The following DOCK3 variants were observed in gnomAD, a reference collection of about 807,000 sequenced individuals.
DOCK3 encodes the protein dedicator of cytokinesis protein 3.
A neutral mutation model predicts 265.6 loss-of-function variants in DOCK3; 60 were observed. The ratio of observed to expected loss-of-function variants is 0.23; its 90% CI spans 0.18 to 0.28. The LOEUF (loss-of-function observed/expected upper bound fraction) is 0.28, where lower values mean the gene tolerates loss of function less well. Among genes scored for constraint, DOCK3 ranks in the 10% least tolerant of loss-of-function variants. The probability of loss-of-function intolerance (pLI) is 1.00; values close to 1 mark genes in which losing one functional copy is unlikely to be tolerated. For synonymous variants in DOCK3, 881 were observed against 938.0 expected, an observed-to-expected ratio of 0.94 and a Z score of 1.11; for missense variants, 1,981 against 2,594.3, an observed-to-expected ratio of 0.76 and a Z score of 5.14.
chr3:50,888,932 C>T (rs972570404), intron 3 of DOCK3, among the ~76,000 whole-genome samples: 19 of 151,958 alleles, frequency 1.3e-4, no homozygotes, highest in Admixed American at 8.5e-4. Context: ...TAGGATTTTA[C>T]GTTACTATAT....
At chr3:50,948,473 A>G (rs938306780) in intron 5 of DOCK3, among the ~76,000 whole-genome samples, 2 of 141,380 alleles carry the variant, frequency 1.4e-5, no homozygotes, top group Non-Finnish European at 3.0e-5. Context: ...GCAAAATCAT[A>G]GCTCACTGTA....
At chr3:50,786,599 C>T in intron 2 of DOCK3, 1 of 557,930 alleles carries the variant, frequency 1.8e-6, no homozygotes, top group Non-Finnish European at 3.4e-6. Flanking sequence ...CTGCCAACTG[C>T]CACAGAAAGT....
At chr3:51,071,041 A>G (rs569769903) in intron 6 of DOCK3, among the ~76,000 whole-genome samples, 1 of 152,314 alleles carries the variant, frequency 6.6e-6, no homozygotes, top group South Asian at 2.1e-4. Context: ...GCCTTAAAGT[A>G]TCCATTGTAT....
intron 4 of DOCK3, among the ~76,000 whole-genome samples, chr3:50,920,875 T>A (rs1017404817): frequency 3.3e-5 from 5 of 152,228 alleles, no homozygotes; most frequent in Non-Finnish European, 5.9e-5. Flanking sequence ...TGCTTTCTCT[T>A]GTGGGCATTT....
chr3:51,067,456 T>TGTGTGTGTGTGTGCGC (rs1553750450), intron 6 of DOCK3, among the ~76,000 whole-genome samples: 15 of 150,340 alleles, frequency 1.0e-4, no homozygotes, highest in African/African-American at 2.7e-4. Context: ...TGTGTGTGTG[T>TGTGTGTGTGTGTGCGC]GCGCGCGCGT....
chr3:51,301,129 G>A (rs960920266), intron 27 of DOCK3, among the ~76,000 whole-genome samples: 5 of 152,194 alleles, frequency 3.3e-5, no homozygotes, highest in African/African-American at 1.2e-4. Flanking sequence ...GTTTAGTCTT[G>A]GGAGGCTGTA....
chr3:50,970,891 TTATATATATATATATATATATATATATA>T (rs55749209), intron 5 of DOCK3, among the ~76,000 whole-genome samples: 34 of 12,168 alleles, frequency 2.8e-3, no homozygotes, highest in African/African-American at 4.2e-3. Context: ...CATCTAATTT[TTATATATATATATATATATATATATATA>T]TATATATATA....
At chr3:50,762,117 C>G (rs1382061841) in intron 1 of DOCK3, among the ~76,000 whole-genome samples, 1 of 151,572 alleles carries the variant, frequency 6.6e-6, no homozygotes, top group Non-Finnish European at 1.5e-5. Context: ...GGGGTGGGGG[C>G]AGCGGGGAGG....
chr3:51,254,325 G>A (rs2079428336), intron 22 of DOCK3, among the ~76,000 whole-genome samples: 1 of 152,228 alleles, frequency 6.6e-6, no homozygotes, highest in Admixed American at 6.5e-5. Context: ...ATGTGGTGCT[G>A]AGAAGAATGT....
intron 5 of DOCK3, among the ~76,000 whole-genome samples, chr3:50,938,815 A>G (rs1055356537): frequency 1.3e-5 from 2 of 151,818 alleles, no homozygotes; most frequent in African/African-American, 2.4e-5. Flanking sequence ...TTTCAAATCA[A>G]TGATTGCAGC....
At chr3:51,249,938 T>A (rs889638377) in intron 22 of DOCK3, among the ~76,000 whole-genome samples, 2 of 151,212 alleles carry the variant, frequency 1.3e-5, no homozygotes, top group African/African-American at 4.9e-5. Flanking sequence ...TAAGAAAAAT[T>A]CTTCTGCCTT....
At chr3:50,816,922 G>T (rs2675829) in intron 2 of DOCK3, among the ~76,000 whole-genome samples, 1 of 152,034 alleles carries the variant, frequency 6.6e-6, no homozygotes, top group Non-Finnish European at 1.5e-5. Flanking sequence ...CCCCAAGAGA[G>T]GATTCTTGGA....
intron 5 of DOCK3, among the ~76,000 whole-genome samples, chr3:50,934,516 C>T (rs983136686): frequency 1.3e-5 from 2 of 152,048 alleles, no homozygotes; most frequent in Non-Finnish European, 2.9e-5. Flanking sequence ...ACTTTGCTGG[C>T]CCAAAAAATT....
intron 49 of DOCK3, among the ~76,000 whole-genome samples, chr3:51,362,882 C>A (rs921699180): frequency 6.6e-6 from 1 of 152,230 alleles, no homozygotes; most frequent in South Asian, 2.1e-4. Flanking sequence ...CAGTGGCTGC[C>A]GCTGTGCCGC....
At chr3:51,290,295 A>T (rs556693146) in intron 27 of DOCK3, among the ~76,000 whole-genome samples, 249 of 152,348 alleles carry the variant, frequency 1.6e-3, no homozygotes, top group African/African-American at 5.8e-3. Context: ...CAGATGTCCA[A>T]CAATGATAGA....
chr3:50,936,279 A>C (rs1357154570), intron 5 of DOCK3, among the ~76,000 whole-genome samples: 1 of 151,950 alleles, frequency 6.6e-6, no homozygotes, highest in Non-Finnish European at 1.5e-5. Context: ...AAAATAGAAA[A>C]AATGAGCTCT....
At chr3:51,251,662 A>G (rs1240129664) in intron 22 of DOCK3, among the ~76,000 whole-genome samples, 3 of 152,230 alleles carry the variant, frequency 2.0e-5, no homozygotes, top group Admixed American at 1.3e-4. Flanking sequence ...GGCTGCATAA[A>G]TGTCTTCTTT....
intron 4 of DOCK3, among the ~76,000 whole-genome samples, chr3:50,924,735 A>G (rs2050673383): frequency 6.6e-6 from 1 of 152,220 alleles, no homozygotes; most frequent in African/African-American, 2.4e-5. Flanking sequence ...GTGGTGTCAG[A>G]TCAGCCTTGG....
At chr3:50,685,262 G>C (rs1452782700) in intron 1 of DOCK3, among the ~76,000 whole-genome samples, 1 of 152,126 alleles carries the variant, frequency 6.6e-6, no homozygotes, top group African/African-American at 2.4e-5. Context: ...TGTCCTCCAG[G>C]ACAGTGAGGG....
Sources: gnomAD v4.1 joint callset for allele counts (sites outside exome capture counted in the v4.1 genomes callset) on GRCh38, gnomAD v4.1.1 for gene constraint, MANE v1.5 for transcripts, NCBI Gene and HGNC (gene_info 2026-07-23, HGNC 2026-07-21) for gene names.